DCC: variants seen among roughly 807,000 people sequenced by gnomAD.
DCC encodes the protein netrin receptor DCC.
In DCC, 58 loss-of-function variants were observed where a neutral mutation model predicts 172.5. That is an observed-to-expected ratio of 0.34 (90% CI 0.27 to 0.42). DCC has a LOEUF of 0.42. Ranked by LOEUF, DCC falls within the 10% of genes least tolerant of loss-of-function variation. The pLI, the probability that DCC is intolerant of heterozygous loss-of-function variation, is 1.00. For missense variants in DCC, 1,740 were observed against 1,791.0 expected, an observed-to-expected ratio of 0.97 and a Z score of 0.51; for synonymous variants, 709 against 644.5, an observed-to-expected ratio of 1.10 and a Z score of -1.52.
chr18:53,339,272 A>G (rs1179826778), intron 14 of DCC, among the ~76,000 whole-genome samples: 3 of 152,224 alleles, frequency 2.0e-5, no homozygotes, highest in African/African-American at 4.8e-5. Context: ...TGACAATTAC[A>G]TAAGAAAGGA....
chr18:52,955,952 G>T (rs968762181), intron 5 of DCC, among the ~76,000 whole-genome samples: 3 of 151,430 alleles, frequency 2.0e-5, no homozygotes, highest in Non-Finnish European at 4.4e-5. Flanking sequence ...TTGCATATTT[G>T]GGCTATCATT....
chr18:52,717,473 A>C (rs192197760), intron 1 of DCC, among the ~76,000 whole-genome samples: 964 of 70,968 alleles, frequency 0.014, 14 homozygotes, highest in Non-Finnish European at 0.019. Flanking sequence ...CTCATTCTTT[A>C]TGGGCTTCTG....
At chr18:53,191,074 C>G (rs1005236617) in intron 9 of DCC, among the ~76,000 whole-genome samples, 1 of 152,148 alleles carries the variant, frequency 6.6e-6, no homozygotes, top group Non-Finnish European at 1.5e-5. Flanking sequence ...CTATAAATCA[C>G]CTATTTGATT....
At chr18:52,381,301 T>G (rs1312906559) in intron 1 of DCC, among the ~76,000 whole-genome samples, 10 of 152,162 alleles carry the variant, frequency 6.6e-5, no homozygotes, top group African/African-American at 2.2e-4. Context: ...TGCATGTAGT[T>G]GGTGCAGCAT....
intron 27 of DCC, among the ~76,000 whole-genome samples, chr18:53,505,728 T>TC (rs1190021993): frequency 6.6e-6 from 1 of 152,122 alleles, no homozygotes; most frequent in African/African-American, 2.4e-5. Context: ...ATAGAAGACA[T>TC]AATTCGAAAC....
chr18:53,226,948 A>ATATATATATATTTTTTTTTT lies in DCC; in HGVS notation c.1911+11352_1911+11353insATATATATATTTTTTTTTTT. ...TGTGTGTGTGTGTATATATATATAT[A>ATATATATATATTTTTTTTTT]TTTTTTTTTTTTTTTTTTTGAGGCA... On this transcript the variant is annotated intron_variant, in intron 12 of 28. Coordinates refer to ENST00000442544, the MANE Select transcript of DCC (RefSeq NM_005215.4). 8.1e-4 allele frequency among the ~76,000 whole-genome samples: 43 copies of ATATATATATATTTTTTTTTT among 52,942 alleles called. 1 individual carries two copies. Among genetic ancestry groups the ATATATATATATTTTTTTTTT allele is most frequent in the African/African-American group, 4.0e-3 (42 of 10,608 alleles). 34.7% of individuals were successfully genotyped at this position (52,942 alleles called of 152,430 possible).
chr18:52,686,258 C>T (rs2035833066), intron 1 of DCC, among the ~76,000 whole-genome samples: 2 of 152,138 alleles, frequency 1.3e-5, no homozygotes, highest in South Asian at 4.1e-4. Context: ...AGCCAACTGG[C>T]CACATATCAT....
chr18:53,093,621 C>T (rs1441098751), intron 7 of DCC, among the ~76,000 whole-genome samples: 1 of 152,164 alleles, frequency 6.6e-6, no homozygotes, highest in Non-Finnish European at 1.5e-5. Flanking sequence ...TCTGACCTTC[C>T]ATAATTATTG....
At chr18:52,722,898 A>G (rs1245755499) in intron 1 of DCC, among the ~76,000 whole-genome samples, 1 of 152,172 alleles carries the variant, frequency 6.6e-6, no homozygotes, top group East Asian at 1.9e-4. Context: ...GAAAGGATTC[A>G]TGGGAGCTAA....
intron 1 of DCC, among the ~76,000 whole-genome samples, chr18:52,373,744 A>T (rs1024089366): frequency 1.3e-5 from 2 of 152,078 alleles, no homozygotes; most frequent in Non-Finnish European, 2.9e-5. Flanking sequence ...CCCTCCTTCC[A>T]TCTGGGCTTT....
chr18:53,002,961 G>T (rs988876208), intron 5 of DCC, among the ~76,000 whole-genome samples: 1 of 152,174 alleles, frequency 6.6e-6, no homozygotes, highest in South Asian at 2.1e-4. Flanking sequence ...CATATTAGGA[G>T]GCTGCCTGTC....
chr18:53,486,581 C>T (rs2045902294), intron 25 of DCC, among the ~76,000 whole-genome samples: 1 of 152,172 alleles, frequency 6.6e-6, no homozygotes, highest in African/African-American at 2.4e-5. Flanking sequence ...ATGTTTTAAA[C>T]TGCAGGGTAA....
intron 7 of DCC, among the ~76,000 whole-genome samples, chr18:53,107,902 G>T (rs2144240487): frequency 6.6e-6 from 1 of 151,634 alleles, no homozygotes; most frequent in South Asian, 2.1e-4. Flanking sequence ...TTATTTCTGG[G>T]TTTTATCTTT....
chr18:52,760,702 A>ATAT (rs2037147200), intron 2 of DCC, among the ~76,000 whole-genome samples: 1 of 152,198 alleles, frequency 6.6e-6, no homozygotes, highest in Non-Finnish European at 1.5e-5. Context: ...ATGGTAAAAT[A>ATAT]TATTATTTGG....
At chr18:53,085,985 TCTTCTCCTTCTC>T (rs1307423215) in intron 7 of DCC, among the ~76,000 whole-genome samples, 9 of 61,628 alleles carry the variant, frequency 1.5e-4, no homozygotes, top group South Asian at 3.6e-4. Flanking sequence ...TTCTTCTTCT[TCTTCTCCTTCTC>T]CTTCTTCTCC....
At chr18:52,789,180 A>G (rs1000352015) in intron 2 of DCC, among the ~76,000 whole-genome samples, 1 of 152,176 alleles carries the variant, frequency 6.6e-6, no homozygotes, top group Non-Finnish European at 1.5e-5. Flanking sequence ...AGATAACACA[A>G]TGAAAAACAG....
intron 3 of DCC, among the ~76,000 whole-genome samples, chr18:52,909,438 G>A (rs747777784): frequency 7.2e-5 from 11 of 152,082 alleles, no homozygotes; most frequent in Non-Finnish European, 1.6e-4. Context: ...AGATGTTAAT[G>A]AGAAATTTTG....
At chr18:53,226,153 T>A (rs1224053934) in intron 12 of DCC, among the ~76,000 whole-genome samples, 1 of 152,164 alleles carries the variant, frequency 6.6e-6, no homozygotes, top group Non-Finnish European at 1.5e-5. Context: ...GTTGGTCATT[T>A]GGACACAATG....
At position 52,573,418 on chromosome 18, in the gene DCC, G is replaced by C. The variant is rs150568912; in HGVS notation, c.92-178636G>C. Among the ~76,000 whole-genome samples, 135 of 152,264 alleles carry C rather than the reference G, an allele frequency of 8.9e-4. 1 individual carries two copies. Among genetic ancestry groups the C allele is most frequent in the African/African-American group, 3.0e-3 (126 of 41,562 alleles). On this transcript the variant is annotated intron_variant, in intron 1 of 28. Transcript: ENST00000442544. ...GCAGTAAAAAGGACCATTTAGACAG[G>C]TGTCAAGGATTTAACAATAAGTAGC...
Sources: allele counts gnomAD v4.1 joint callset (sites outside exome capture counted in the v4.1 genomes callset), GRCh38; gene constraint gnomAD v4.1.1; transcripts MANE v1.5; gene names NCBI Gene and HGNC (gene_info 2026-07-23, HGNC 2026-07-21).